The following NIM1K variants were observed in gnomAD, a reference collection of about 807,000 sequenced individuals.
NIM1K encodes NIM1 serine/threonine protein kinase.
Under a neutral mutation model 37.1 loss-of-function variants are expected in NIM1K, and 35 were observed. That is an observed-to-expected ratio of 0.94 (90% confidence interval 0.72 to 1.25). NIM1K has a LOEUF of 1.25. NIM1K is among the 50% of genes most tolerant of loss of function. The pLI is 0.00. For missense variants in NIM1K, 564 were observed against 548.0 expected (o/e 1.03, Z -0.29); for synonymous variants, 234 against 206.6 (o/e 1.13, Z -1.14).
chr5:43,198,152 T>TTTCC (rs1491430495), intron 1 of NIM1K, among the ~76,000 whole-genome samples: 29 of 47,528 alleles, frequency 6.1e-4, no homozygotes, highest in East Asian at 5.7e-3. Context: ...TCTTTCTTTC[T>TTTCC]TTCTTTCTTT....
At chr5:43,198,902 T>C (rs548243007) in intron 1 of NIM1K, among the ~76,000 whole-genome samples, 1 of 151,982 alleles carries the variant, frequency 6.6e-6, no homozygotes, top group South Asian at 2.1e-4. Context: ...AAAATATGTA[T>C]AAAGGGCCAA....
At chr5:43,268,352 G>A (rs984706059) in intron 2 of NIM1K, among the ~76,000 whole-genome samples, 1 of 152,154 alleles carries the variant, frequency 6.6e-6, no homozygotes, top group South Asian at 2.1e-4. Flanking sequence ...CTCATCAAAG[G>A]CTTGTTGGTT....
rs36108441 is a variant in NIM1K, at chr5:43,257,362, C to CTTT, written c.292+11316_292+11318dup. Reference sequence around the variant, plus strand: ...GAGAATTAAAGACAGTAAAGTGACTCTTTTTTTTTTTTTTTTTTTTTTTGA... The same window carrying CTTT: ...GAGAATTAAAGACAGTAAAGTGACTCTTTTTTTTTTTTTTTTTTTTTTTTTTGA... On this transcript the variant is annotated intron_variant, in intron 2 of 3. Transcript: ENST00000326035. Among the ~76,000 whole-genome samples the CTTT allele has an allele frequency of 1.0e-4, 6 of 58,794 alleles. No homozygotes were observed. In the East Asian group the frequency reaches 1.2e-3, roughly 12 times the overall value. 38.6% of individuals were successfully genotyped at this position (58,794 alleles called of 152,430 possible).
intron 2 of NIM1K, among the ~76,000 whole-genome samples, chr5:43,272,127 G>A (rs1180053513): frequency 6.6e-6 from 1 of 152,080 alleles, no homozygotes; most frequent in Non-Finnish European, 1.5e-5. Flanking sequence ...AACTAATGAT[G>A]TTGAATATTA....
chr5:43,206,962 C>T (rs1561072796), intron 1 of NIM1K: 7 of 761,712 alleles, frequency 9.2e-6, no homozygotes, highest in South Asian at 2.7e-5. Flanking sequence ...AAGAAGAGAT[C>T]GACGGTATTT....
At chr5:43,257,219 A>G (rs978476724) in intron 2 of NIM1K, among the ~76,000 whole-genome samples, 1 of 152,130 alleles carries the variant, frequency 6.6e-6, no homozygotes, top group Non-Finnish European at 1.5e-5. Flanking sequence ...TATTTTTAAG[A>G]GGAAGATTGA....
In NIM1K at chr5:43,227,353, C is replaced by T. The variant is rs1003119296; in HGVS notation, c.-694-17729C>T. Among the ~76,000 whole-genome samples, 7 of 151,388 alleles carry T rather than the reference C, an allele frequency of 4.6e-5. No homozygotes were observed. The East Asian group carries it at 7.7e-4, about 17-fold the overall frequency. ...CCAGCCTGGAGACAGAGCGAGACTC[C>T]GTTTCAAAAGAAAAAAATAATAAAA... On this transcript the variant is annotated intron_variant, in intron 1 of 3. Transcript: ENST00000326035.
chr5:43,268,181 A>G (rs192133379), intron 2 of NIM1K, among the ~76,000 whole-genome samples: 45 of 152,282 alleles, frequency 3.0e-4, no homozygotes, highest in Admixed American at 2.9e-3. Context: ...TGTCAGATTA[A>G]TCCTTTTATC....
At chr5:43,241,102 C>T (rs1752695837) in intron 1 of NIM1K, among the ~76,000 whole-genome samples, 2 of 151,962 alleles carry the variant, frequency 1.3e-5, no homozygotes, top group African/African-American at 4.9e-5. Context: ...TTCCTGTTTC[C>T]CCATACTATC....
At chr5:43,275,756 A>G (rs1173403934) in intron 2 of NIM1K, among the ~76,000 whole-genome samples, 1 of 152,144 alleles carries the variant, frequency 6.6e-6, no homozygotes, top group Non-Finnish European at 1.5e-5. Context: ...TCTGAACATC[A>G]TGTTCATCCT....
chr5:43,279,250 A>C (rs890176716), intron 3 of NIM1K, among the ~76,000 whole-genome samples: 4 of 152,172 alleles, frequency 2.6e-5, no homozygotes, highest in African/African-American at 9.7e-5. Flanking sequence ...TCAGTATCCC[A>C]CTTTACAGAG....
At chr5:43,262,103 G>A (rs908136899) in intron 2 of NIM1K, among the ~76,000 whole-genome samples, 1 of 152,096 alleles carries the variant, frequency 6.6e-6, no homozygotes, top group Admixed American at 6.5e-5. Context: ...CTCTTTTTTG[G>A]TTCCATATGA....
At chr5:43,262,684 T>G (rs191413474) in intron 2 of NIM1K, among the ~76,000 whole-genome samples, 109 of 152,146 alleles carry the variant, frequency 7.2e-4, no homozygotes, top group African/African-American at 2.5e-3. Context: ...CTGTCTTGTG[T>G]CAGTTTTCAA....
At chr5:43,249,871 G>A (rs1322715918) in intron 2 of NIM1K, among the ~76,000 whole-genome samples, 2 of 17,402 alleles carry the variant, frequency 1.1e-4, no homozygotes, top group Non-Finnish European at 2.8e-4. Flanking sequence ...TTTTTTTTTT[G>A]AGATGGAGTC....
intron 1 of NIM1K, among the ~76,000 whole-genome samples, chr5:43,199,679 T>A (rs901041172): frequency 6.6e-6 from 1 of 152,158 alleles, no homozygotes; most frequent in Non-Finnish European, 1.5e-5. Flanking sequence ...CTCAGAGCTA[T>A]CCCTATCTTT....
intron 1 of NIM1K, among the ~76,000 whole-genome samples, chr5:43,204,322 G>A (rs1752077470): frequency 6.6e-6 from 1 of 150,872 alleles, no homozygotes; most frequent in South Asian, 2.1e-4. Context: ...GACCTCAAGT[G>A]ATTCGCCCAC....
Position 43,245,854 on chromosome 5 carries a change from A to G in NIM1K, c.79A>G (p.Ser27Gly). ...GTGGGATCGGCGCGACAGTGTAGAA[A>G]GTGGCTGTCAGACCGAGAGTAGCAA... ...ARWDRRDSVE[S>G]GCQTESSKEG... The change falls in exon 2 of 4, where the codon AGT becomes GGT. Residue 27 changes from serine (S) to glycine (G), a missense_variant. Coordinates refer to ENST00000326035, the MANE Select transcript of NIM1K (RefSeq NM_153361.4). 2 of 1,614,088 alleles carry G rather than the reference A, an allele frequency of 1.2e-6. No homozygotes were observed. The highest frequency in any genetic ancestry group is 1.7e-6 in the Non-Finnish European group (2 of 1,179,984).
chr5:43,265,224 T>C (rs1310167586), intron 2 of NIM1K, among the ~76,000 whole-genome samples: 1 of 152,250 alleles, frequency 6.6e-6, no homozygotes, highest in Admixed American at 6.5e-5. Context: ...TCCAACTTGG[T>C]TCCATTCTCT....
At position 43,245,868 on chromosome 5, in the gene NIM1K, C is replaced by T. The variant is rs140768682; in HGVS notation, c.93C>T (p.Thr31=). The change falls in exon 2 of 4, where the codon ACC becomes ACT. Residue 31 remains threonine, a synonymous_variant. Coordinates refer to ENST00000326035, the MANE Select transcript of NIM1K (RefSeq NM_153361.4). ...RRDSVESGCQ[T]ESSKEGEEGQ... ...ACAGTGTAGAAAGTGGCTGTCAGACCGAGAGTAGCAAGGAGGGTGAGGAGG... is the reference window on the plus strand; with the variant it reads ...ACAGTGTAGAAAGTGGCTGTCAGACTGAGAGTAGCAAGGAGGGTGAGGAGG... 10 of 1,613,986 alleles carry T rather than the reference C, an allele frequency of 6.2e-6. No homozygotes were observed. The highest frequency in any genetic ancestry group is 2.7e-5 in the African/African-American group (2 of 74,998).
Sources: allele counts gnomAD v4.1 joint callset (sites outside exome capture counted in the v4.1 genomes callset), GRCh38; gene constraint gnomAD v4.1.1; transcripts MANE v1.5; gene names NCBI Gene and HGNC (gene_info 2026-07-23, HGNC 2026-07-21).